The following POLD3 variants were observed in gnomAD, a reference collection of about 807,000 sequenced individuals.
POLD3 encodes DNA polymerase delta subunit 3.
In POLD3, 19 loss-of-function variants were observed where a neutral mutation model predicts 58.2. The observed-to-expected ratio is 0.33, with a 90% CI of 0.23 to 0.48. POLD3 has a LOEUF of 0.48. Ranked by LOEUF, POLD3 falls within the 20% of genes least tolerant of loss-of-function variation. The probability of loss-of-function intolerance (pLI) is 0.99; values close to 1 mark genes in which losing one functional copy is unlikely to be tolerated. For missense variants in POLD3, 504 were observed against 545.5 expected (o/e 0.92, Z 0.76); for synonymous variants, 172 against 193.5 (o/e 0.89, Z 0.92).
rs1358322683 is a variant in POLD3 at position 74,625,641 on chromosome 11, T to C, written c.899+68T>C. ...GGGTGAGAAGGTCTCTTTGGGCTTA[T>C]TGACAGCAGGCAGTTTTCAGTTAAG... On this transcript the variant is annotated intron_variant, in intron 8 of 11. Coordinates refer to ENST00000263681, the MANE Select transcript of POLD3 (RefSeq NM_006591.3). 24 of 1,340,278 alleles carry C rather than the reference T, an allele frequency of 1.8e-5. 1 individual carries two copies. The highest frequency in any genetic ancestry group is 2.4e-5 in the Non-Finnish European group (23 of 973,232). 83.0% of individuals were successfully genotyped at this position (1,340,278 alleles called of 1,614,324 possible).
chr11:74,608,100 C>T (rs1315940982), intron 3 of POLD3, among the ~76,000 whole-genome samples: 1 of 152,020 alleles, frequency 6.6e-6, no homozygotes, highest in Non-Finnish European at 1.5e-5. Flanking sequence ...TTTATGGGTT[C>T]CCTGTTAGCT....
At chr11:74,665,391 ATT>A (rs1202426924) in intron 4 of POLD3, among the ~76,000 whole-genome samples, 10,493 of 82,846 alleles carry the variant, frequency 0.13, 537 homozygotes, top group African/African-American at 0.28. Flanking sequence ...CCCTTTTATA[ATT>A]TTTTTTTTTT....
Position 74,607,859 on chromosome 11 carries a change from A to G in POLD3, c.219+3065A>G, listed in dbSNP as rs1416841041. Among the ~76,000 whole-genome samples the G allele has an allele frequency of 2.6e-5, 4 of 152,132 alleles. No individual in the cohort carries two copies. The East Asian group carries it at 7.7e-4, about 29-fold the overall frequency. ...GTGATCTGCCCTTCTCGGCCTTTCA[A>G]AGTGCTAGGATTACAGAAGTGAGCC... is the stretch of plus-strand genomic sequence containing the variant. On this transcript the variant is annotated intron_variant, in intron 3 of 11. Transcript: ENST00000263681.
intron 2 of POLD3, among the ~76,000 whole-genome samples, chr11:74,599,398 C>T (rs2031400832): frequency 6.7e-6 from 1 of 148,380 alleles, no homozygotes; most frequent in Admixed American, 6.7e-5. Context: ...CGGAGTCTCG[C>T]TCTGTTGCCT....
intron 7 of POLD3, among the ~76,000 whole-genome samples, chr11:74,623,114 C>T (rs1489901973): frequency 1.3e-5 from 2 of 152,126 alleles, no homozygotes; most frequent in Non-Finnish European, 2.9e-5. Flanking sequence ...TTATATGAAA[C>T]GTCCAGAATA....
chr11:74,629,185 A>T (rs761791568), intron 8 of POLD3, 32 bp from the exon 9 acceptor site: 2 of 1,316,924 alleles, frequency 1.5e-6, no homozygotes, highest in Non-Finnish European at 1.1e-6. Flanking sequence ...TGTTCTGTGT[A>T]ACACGCTTAA....
downstream of POLD3, among the ~76,000 whole-genome samples, chr11:74,646,055 C>T (rs2032995152): frequency 6.6e-6 from 1 of 152,086 alleles, no homozygotes; most frequent in Admixed American, 6.6e-5. Flanking sequence ...TCTCTGCAAC[C>T]TCCGCTTCCC....
intron 2 of POLD3, among the ~76,000 whole-genome samples, chr11:74,598,065 T>G (rs546654233): frequency 3.8e-4 from 58 of 150,934 alleles, no homozygotes; most frequent in African/African-American, 1.3e-3. Flanking sequence ...AGAACCTATC[T>G]CTAAAAGAGA....
intron 4 of POLD3, among the ~76,000 whole-genome samples, chr11:74,668,499 G>A (rs976789545): frequency 1.3e-5 from 2 of 152,170 alleles, no homozygotes; most frequent in Non-Finnish European, 2.9e-5. Flanking sequence ...GTAGCAAGGG[G>A]ACCCAGAATA....
At chr11:74,633,600 G>A (rs1327125102) in intron 9 of POLD3, among the ~76,000 whole-genome samples, 1 of 152,176 alleles carries the variant, frequency 6.6e-6, no homozygotes, top group Admixed American at 6.5e-5. Context: ...CCGGTCCCCT[G>A]ACCAGCACTT....
At chr11:74,605,305 C>G (rs991710983) in intron 3 of POLD3, among the ~76,000 whole-genome samples, 1 of 152,158 alleles carries the variant, frequency 6.6e-6, no homozygotes, top group Non-Finnish European at 1.5e-5. Context: ...TGTAGTCCCA[C>G]CTGGTATCTG....
intron 4 of POLD3, among the ~76,000 whole-genome samples, chr11:74,650,808 C>T (rs1358234060): frequency 2.6e-5 from 4 of 152,198 alleles, no homozygotes; most frequent in East Asian, 1.9e-4. Context: ...TGGCTAGTGC[C>T]ATGACACCTG....
chr11:74,649,887 C>T (rs1042255448), intron 4 of POLD3, among the ~76,000 whole-genome samples: 1 of 152,110 alleles, frequency 6.6e-6, no homozygotes, highest in African/African-American at 2.4e-5. Flanking sequence ...TTGGAAAGTA[C>T]TCTGGCTGCA....
chr11:74,619,058 T>A (rs1459625078), intron 6 of POLD3, among the ~76,000 whole-genome samples: 1 of 152,226 alleles, frequency 6.6e-6, no homozygotes, highest in Non-Finnish European at 1.5e-5. Flanking sequence ...ATTACAAGAT[T>A]GTTGTGAAAC....
intron 4 of POLD3, among the ~76,000 whole-genome samples, chr11:74,660,428 T>A (rs1163775775): frequency 6.6e-6 from 1 of 152,210 alleles, no homozygotes; most frequent in Non-Finnish European, 1.5e-5. Flanking sequence ...CTCTTTAAGG[T>A]CAATAACTCT....
chr11:74,652,366 T>A (rs2033077621), intron 4 of POLD3, among the ~76,000 whole-genome samples: 3 of 152,222 alleles, frequency 2.0e-5, no homozygotes, highest in Admixed American at 2.0e-4. Context: ...AAGAAACTTT[T>A]CATACATATT....
At position 74,625,453 on chromosome 11, in the gene POLD3, A is replaced by G. The variant is rs1454666754; in HGVS notation, c.779A>G (p.Glu260Gly). 6.2e-7 allele frequency: 1 copy of G among 1,613,214 alleles called. No homozygotes were observed. The highest frequency in any genetic ancestry group is 8.5e-7 in the Non-Finnish European group (1 of 1,179,592). Residue 260 changes from glutamate (E) to glycine (G), a missense_variant, in exon 8 of 12, where the codon GAA (glutamate) becomes GGA (glycine). Coordinates refer to ENST00000263681, the MANE Select transcript of POLD3 (RefSeq NM_006591.3). Reference protein sequence around the residue: ...NLDSEQAVKEEKIVEQPTVSV... With the variant: ...NLDSEQAVKEGKIVEQPTVSV... The stretch of plus-strand genomic sequence containing the variant: ...GACTCAGAACAAGCAGTGAAAGAAG[A>G]AAAAATAGTGGAGCAGCCTACAGTG...
chr11:74,649,119 G>A (rs1163899670), intron 4 of POLD3, among the ~76,000 whole-genome samples: 1 of 152,130 alleles, frequency 6.6e-6, no homozygotes, highest in Non-Finnish European at 1.5e-5. Context: ...ATTCTCTGAC[G>A]CACATACACA....
chr11:74,614,371 G>A (rs1442081185), intron 5 of POLD3, among the ~76,000 whole-genome samples: 3 of 152,178 alleles, frequency 2.0e-5, no homozygotes, highest in African/African-American at 7.2e-5. Context: ...AAGTTGTGCT[G>A]TTGGGGATGG....
Sources: allele counts gnomAD v4.1 joint callset (sites outside exome capture counted in the v4.1 genomes callset), GRCh38; gene constraint gnomAD v4.1.1; transcripts MANE v1.5; gene names NCBI Gene and HGNC (gene_info 2026-07-23, HGNC 2026-07-21).